Variants in CSGALNACT2 observed in about 807,000 individuals in gnomAD.
CSGALNACT2 encodes the protein chondroitin sulfate N-acetylgalactosaminyltransferase 2.
In CSGALNACT2, 35 loss-of-function variants were observed where a neutral mutation model predicts 55.3. The ratio of observed to expected loss-of-function variants is 0.63; its 90% CI spans 0.48 to 0.84. The LOEUF is 0.84. CSGALNACT2 is among the 40% of genes least tolerant of loss of function. The pLI is 0.00. For synonymous variants in CSGALNACT2, 196 were observed against 224.9 expected (o/e 0.87, Z 1.15); for missense variants, 544 against 657.5 (o/e 0.83, Z 1.89).
chr10:43,161,222 C>T (rs1348275212), intron 4 of CSGALNACT2, among the ~76,000 whole-genome samples: 1 of 152,210 alleles, frequency 6.6e-6, no homozygotes, highest in Admixed American at 6.5e-5. Context: ...CCAAAGATAA[C>T]GACTTAACTG....
intron 1 of CSGALNACT2, among the ~76,000 whole-genome samples, chr10:43,149,895 C>T (rs972330762): frequency 6.6e-6 from 1 of 152,134 alleles, no homozygotes; most frequent in Non-Finnish European, 1.5e-5. Context: ...TGGAGAAACC[C>T]CATCTCTACT....
chr10:43,148,570 T>G (rs1231072504), intron 1 of CSGALNACT2, among the ~76,000 whole-genome samples: 2 of 152,210 alleles, frequency 1.3e-5, no homozygotes, highest in African/African-American at 2.4e-5. Context: ...CAACAATGTT[T>G]TGTAGTTTCT....
intron 4 of CSGALNACT2, chr10:43,163,059 T>C: frequency 1.0e-6 from 1 of 985,306 alleles, no homozygotes; most frequent in Middle Eastern, 5.2e-4. Context: ...CTGATTTGTC[T>C]GATCCCTTTT....
intron 4 of CSGALNACT2, 104 bp from the exon 5 acceptor site, chr10:43,163,762 T>G (rs1256907343): frequency 1.7e-5 from 24 of 1,399,762 alleles, no homozygotes; most frequent in Non-Finnish European, 2.2e-5. Flanking sequence ...ACCAATATAA[T>G]CAAATATTTG....
intron 6 of CSGALNACT2, among the ~76,000 whole-genome samples, chr10:43,168,547 A>C (rs1022388213): frequency 1.3e-5 from 2 of 152,160 alleles, no homozygotes; most frequent in Non-Finnish European, 2.9e-5. Context: ...ATATAAATAC[A>C]ATGTTTTAAT....
intron 5 of CSGALNACT2, among the ~76,000 whole-genome samples, chr10:43,165,064 A>C (rs1210262716): frequency 6.6e-6 from 1 of 152,104 alleles, no homozygotes; most frequent in East Asian, 1.9e-4. Flanking sequence ...TCTACTAAAA[A>C]TACAAAAAAA....
intron 6 of CSGALNACT2, among the ~76,000 whole-genome samples, chr10:43,173,925 G>A (rs1372572596): frequency 4.6e-5 from 7 of 152,134 alleles, no homozygotes; most frequent in Admixed American, 6.5e-5. Context: ...CCTGGGAGCT[G>A]GAGGTTGCAG....
chr10:43,173,309 C>T (rs1173909347), intron 6 of CSGALNACT2, among the ~76,000 whole-genome samples: 1 of 152,192 alleles, frequency 6.6e-6, no homozygotes, highest in African/African-American at 2.4e-5. Flanking sequence ...TGTTGTTTAT[C>T]AGACATCCAA....
chr10:43,145,238 A>G (rs1838718865), intron 1 of CSGALNACT2, among the ~76,000 whole-genome samples: 1 of 152,226 alleles, frequency 6.6e-6, no homozygotes, highest in East Asian at 1.9e-4. Flanking sequence ...GGACTCCACC[A>G]AAGGAATGCA....
chr10:43,163,828 G>A (rs1839202268), intron 4 of CSGALNACT2, 38 bp from the exon 5 acceptor site: 2 of 1,576,062 alleles, frequency 1.3e-6, no homozygotes, highest in African/African-American at 1.4e-5. Flanking sequence ...GTAACTTTAA[G>A]TGGGACTTAT....
intron 2 of CSGALNACT2, among the ~76,000 whole-genome samples, chr10:43,157,719 C>T (rs1411868056): frequency 1.3e-5 from 2 of 152,118 alleles, no homozygotes; most frequent in Admixed American, 6.5e-5. Context: ...TCTTCTCTCT[C>T]CTGAGCGCCA....
intron 1 of CSGALNACT2, among the ~76,000 whole-genome samples, chr10:43,153,554 C>T (rs1838928007): frequency 6.6e-6 from 1 of 151,192 alleles, no homozygotes; most frequent in South Asian, 2.1e-4. Context: ...CCAGGTTTTT[C>T]TACTCATTAA....
chr10:43,155,707 G>A lies in CSGALNACT2; in HGVS notation c.558G>A (p.Ala186=), dbSNP rs868121389. The A allele has an allele frequency of 5.6e-6, 9 of 1,614,046 alleles. No homozygotes were observed. The highest frequency in any genetic ancestry group is 2.2e-5 in the South Asian group (2 of 91,086). The part of the protein sequence containing the change: ...KRDELVEVIE[A]GLEVINNPDE... ...ATGAATTGGTGGAAGTTATTGAAGCGGGCTTGGAGGTCATTAATAATCCTG... is the reference window on the plus strand; with the variant it reads ...ATGAATTGGTGGAAGTTATTGAAGCAGGCTTGGAGGTCATTAATAATCCTG... Residue 186 remains alanine (A), a synonymous_variant, in exon 2 of 8, where the codon GCG becomes GCA. Transcript: ENST00000374466.
intron 1 of CSGALNACT2, 139 bp from the exon 2 acceptor site, chr10:43,154,757 CT>C (rs1396891262): frequency 1.9e-5 from 3 of 155,918 alleles, no homozygotes; most frequent in Non-Finnish European, 4.2e-5. Flanking sequence ...CTAGTATTTA[CT>C]GAATATTCTA....
Position 43,155,067 on chromosome 10 carries a change from T to G in CSGALNACT2, c.-83T>G. ...AATTATTTTATGGAAATTCTGATTTTGTTTTTAATTTTTGATAACTTTTTA... is the reference window on the plus strand; with the variant it reads ...AATTATTTTATGGAAATTCTGATTTGGTTTTTAATTTTTGATAACTTTTTA... On this transcript the variant is annotated 5_prime_UTR_variant, in exon 2 of 8. Transcript: ENST00000374466. 8.7e-7 allele frequency: 1 copy of G among 1,154,596 alleles called. No individual in the cohort carries two copies. Among genetic ancestry groups the G allele is most frequent in the Non-Finnish European group, 1.2e-6 (1 of 808,106 alleles). The allele number at this position is 1,154,596 out of a possible 1,614,324, so 71.5% of individuals were successfully genotyped here. A position where few individuals can be genotyped will look rare whatever the true frequency, so the allele number is the denominator to read the frequency against.
rs762476511 is a variant in CSGALNACT2 at position 43,155,361 on chromosome 10, G to C, written c.212G>C (p.Arg71Thr). ...GAACAAGAAGAACATTATCAGACCA[G>C]GGCAACCAGTCTGAAACGCCAAATT... ...LQEQEEHYQTRATSLKRQIAQ... is the reference protein window; with the variant it reads ...LQEQEEHYQTTATSLKRQIAQ... Residue 71 changes from arginine (R) to threonine (T), a missense_variant, in exon 2 of 8, where the codon AGG becomes ACG. Physicochemically the swap from Arg to Thr is moderately conservative, Grantham distance 71. Around this residue, in one of 2 missense-constraint regions of CSGALNACT2, gnomAD observed 374 missense variants for 401.3 expected, o/e 0.93. Transcript: ENST00000374466. 1 of 1,614,104 alleles carries C rather than the reference G, an allele frequency of 6.2e-7. No homozygotes were observed. Among genetic ancestry groups the C allele is most frequent in the South Asian group, 1.1e-5 (1 of 91,068 alleles).
At chr10:43,166,792 T>C (rs1839274345) in intron 5 of CSGALNACT2, among the ~76,000 whole-genome samples, 1 of 152,234 alleles carries the variant, frequency 6.6e-6, no homozygotes, top group South Asian at 2.1e-4. Context: ...GTTTGTTTTT[T>C]CCTCTGTTCT....
Position 43,177,914 on chromosome 10 carries a change from C to T in CSGALNACT2, c.1336+1882C>T, listed in dbSNP as rs531801189. Among the ~76,000 whole-genome samples, 4 of 152,314 alleles carry T rather than the reference C, an allele frequency of 2.6e-5. No individual in the cohort carries two copies. In the South Asian group the frequency reaches 8.3e-4, roughly 32 times the overall value. Reference sequence around the variant, plus strand: ...TTAGGAGTTCCAGTTTCCCCACATCCTCATTAATACATGTTATTATCTTTT... The same window carrying T: ...TTAGGAGTTCCAGTTTCCCCACATCTTCATTAATACATGTTATTATCTTTT... On this transcript the variant is annotated intron_variant, in intron 7 of 7. Coordinates refer to ENST00000374466, the MANE Select transcript of CSGALNACT2 (RefSeq NM_018590.5).
chr10:43,162,236 G>A (rs1419913874), intron 4 of CSGALNACT2: 2 of 523,456 alleles, frequency 3.8e-6, no homozygotes, highest in Non-Finnish European at 7.6e-6. Context: ...TATGACTGTT[G>A]GCGGCTCTGG....
Sources: gnomAD v4.1 joint callset for allele counts (sites outside exome capture counted in the v4.1 genomes callset) on GRCh38, gnomAD v4.1.1 for gene constraint, gnomAD v4.1.1 regional missense constraint, MANE v1.5 for transcripts, NCBI Gene and HGNC (gene_info 2026-07-23, HGNC 2026-07-21) for gene names.